UBXN11: variants seen among roughly 807,000 people sequenced by gnomAD.
UBXN11 encodes UBX domain protein 11, also known as UBX domain-containing protein 11.
UBXN11 carries 47 observed loss-of-function variants against 62.8 expected under a neutral mutation model. That is an observed-to-expected ratio of 0.75 (90% CI 0.59 to 0.95). The LOEUF is 0.95. Among genes scored for constraint, UBXN11 ranks in the 40% least tolerant of loss-of-function variants. The probability of loss-of-function intolerance (pLI) is 0.00; values close to 1 mark genes in which losing one functional copy is unlikely to be tolerated. For missense variants in UBXN11, 638 were observed against 661.7 expected, an observed-to-expected ratio of 0.96 and a Z score of 0.39; for synonymous variants, 294 against 267.0, an observed-to-expected ratio of 1.10 and a Z score of -0.99.
In UBXN11 at chr1:26,282,503, T is replaced by C. The variant is rs544213824; in HGVS notation, c.1359A>G (p.Thr453=). Residue 453 remains threonine, a synonymous_variant, in exon 15 of 15, where the codon ACA becomes ACG. Transcript: ENST00000374222. The part of the protein sequence containing the change: ...TFPPTLYQDD[T]LTLQAAGLVP... Reference sequence around the variant, plus strand: ...CAAGGCCTGCAGCCTGCAGCGTGAGTGTATCGTCCTGGTAGAGGGTGGGCG... The same window carrying C: ...CAAGGCCTGCAGCCTGCAGCGTGAGCGTATCGTCCTGGTAGAGGGTGGGCG... 10 of 1,600,638 alleles carry C rather than the reference T, an allele frequency of 6.2e-6. No individual in the cohort carries two copies. The East Asian group carries it at 2.2e-4, about 36-fold the overall frequency.
chr1:26,301,088 GGCCCTCGCCAGT>G, intron 3 of UBXN11, 64 bp from the exon 4 acceptor site: 2 of 1,611,690 alleles, frequency 1.2e-6, no homozygotes, highest in Admixed American at 3.4e-5. Context: ...TCAGGCCCTG[GGCCCTCGCCAGT>G]GTGACGCGGC....
At chr1:26,283,009 A>G in intron 12 of UBXN11, 72 bp from the exon 13 acceptor site, 1 of 1,593,672 alleles carries the variant, frequency 6.3e-7, no homozygotes, top group South Asian at 1.1e-5. Context: ...CCTTAGAGGG[A>G]CACTTCCTTG....
At chr1:26,294,176 G>T in intron 8 of UBXN11, 29 bp downstream of exon 8, 2 of 1,611,824 alleles carry the variant, frequency 1.2e-6, no homozygotes, top group Non-Finnish European at 1.7e-6. Context: ...TCCTTTTGAA[G>T]AGGGCCTGGG....
At chr1:26,314,691 A>T (rs973684504) in intron 1 of UBXN11, among the ~76,000 whole-genome samples, 4 of 152,180 alleles carry the variant, frequency 2.6e-5, no homozygotes, top group African/African-American at 9.7e-5. Flanking sequence ...TGCTTCGCTG[A>T]GTAAGAGAAG....
chr1:26,317,671 T>C (rs1048270747), intron 1 of UBXN11, among the ~76,000 whole-genome samples: 1 of 152,192 alleles, frequency 6.6e-6, no homozygotes, highest in Admixed American at 6.5e-5. Flanking sequence ...GTCTCAGAGC[T>C]GGTCAGTGAT....
intron 7 of UBXN11, among the ~76,000 whole-genome samples, chr1:26,296,682 AG>A (rs1469729447): frequency 6.6e-6 from 1 of 152,130 alleles, no homozygotes; most frequent in East Asian, 1.9e-4. Flanking sequence ...TCTGCTAAGC[AG>A]GGGAGAGGCA....
At chr1:26,296,814 A>T in intron 7 of UBXN11, 105 bp downstream of exon 7, 1 of 1,205,578 alleles carries the variant, frequency 8.3e-7, no homozygotes, top group South Asian at 1.5e-5. Flanking sequence ...GGATGTGACG[A>T]GGAGAGGCCC....
At chr1:26,297,043 G>A (rs1296495712) in intron 6 of UBXN11, 48 bp from the exon 7 acceptor site, 1 of 1,560,274 alleles carries the variant, frequency 6.4e-7, no homozygotes, top group Non-Finnish European at 8.7e-7. Context: ...GCAAGACACT[G>A]CCAGGTCACC....
intron 8 of UBXN11, 124 bp from the exon 9 acceptor site, chr1:26,286,161 G>A (rs2073129313): frequency 1.2e-6 from 1 of 807,890 alleles, no homozygotes; most frequent in Non-Finnish European, 1.9e-6. Context: ...GACTGCCTGG[G>A]GAAAAGGACA....
chr1:26,301,094 CGCCAG>C, intron 3 of UBXN11, 70 bp from the exon 4 acceptor site: 7 of 1,610,556 alleles, frequency 4.3e-6, no homozygotes, highest in Non-Finnish European at 5.9e-6. Context: ...CCTGGGCCCT[CGCCAG>C]TGTGACGCGG....
At chr1:26,304,717 C>T (rs918814997) in intron 1 of UBXN11, among the ~76,000 whole-genome samples, 1 of 152,108 alleles carries the variant, frequency 6.6e-6, no homozygotes, top group Admixed American at 6.5e-5. Flanking sequence ...TGCGCCATTG[C>T]ACTCCAGCCT....
intron 1 of UBXN11, among the ~76,000 whole-genome samples, chr1:26,317,003 C>T (rs142528092): frequency 2.1e-3 from 323 of 151,292 alleles, no homozygotes; most frequent in African/African-American, 6.9e-3. Flanking sequence ...CCGAGGCAGG[C>T]GGATCACTTG....
chr1:26,292,923 C>A (rs756316357), intron 8 of UBXN11, among the ~76,000 whole-genome samples: 4 of 152,018 alleles, frequency 2.6e-5, no homozygotes, highest in Non-Finnish European at 4.4e-5. Context: ...GCAGTGAGGG[C>A]GTTAGACCCT....
chr1:26,301,868 A>C, intron 2 of UBXN11, 146 bp from the exon 3 acceptor site: 3 of 1,084,408 alleles, frequency 2.8e-6, no homozygotes, highest in Non-Finnish European at 4.0e-6. Context: ...CCAGCCCCAA[A>C]TCCCAGCCCC....
In UBXN11 at chr1:26,282,876, G is replaced by C; in HGVS notation, c.1139C>G (p.Ala380Gly). ...EIVVETPTLA[A>G]ERERSQESPN... ...ATCCCGCCCTCACCTCTCTCGCTCA[G>C]CGGCCAAGGTGGGCGTCTCCACCAC... The change falls in exon 13 of 15, where the codon GCT (alanine) becomes GGT (glycine). Residue 380 changes from alanine to glycine, a missense_variant. Physicochemically the swap from Ala to Gly is moderately conservative, Grantham distance 60. Transcript: ENST00000374222. 6.2e-7 allele frequency: 1 copy of C among 1,614,188 alleles called. No homozygotes were observed. The highest frequency in any genetic ancestry group is 8.5e-7 in the Non-Finnish European group (1 of 1,180,034).
chr1:26,305,918 GC>G (rs1473955230), intron 1 of UBXN11, among the ~76,000 whole-genome samples: 2 of 152,168 alleles, frequency 1.3e-5, no homozygotes, highest in Non-Finnish European at 2.9e-5. Flanking sequence ...CATTCTGGGG[GC>G]TGTCACATGG....
intron 1 of UBXN11, among the ~76,000 whole-genome samples, chr1:26,311,700 C>A (rs58240395): frequency 0.16 from 24,620 of 152,150 alleles, 2,410 homozygotes; most frequent in African/African-American, 0.26. Flanking sequence ...CTCGGCCTCC[C>A]AGAGTGTTGG....
intron 8 of UBXN11, among the ~76,000 whole-genome samples, chr1:26,291,248 T>A (rs2073257622): frequency 6.6e-6 from 1 of 152,064 alleles, no homozygotes; most frequent in South Asian, 2.1e-4. Flanking sequence ...CTGAGGCCCC[T>A]GGGCGGAGCA....
At position 26,285,923 on chromosome 1, in the gene UBXN11, G is replaced by C. The variant is rs759472941; in HGVS notation, c.674C>G (p.Ala225Gly). The C allele has an allele frequency of 3.1e-6, 5 of 1,613,662 alleles. No individual in the cohort carries two copies. In the South Asian group the frequency reaches 5.5e-5, roughly 18 times the overall value. Residue 225 changes from alanine (A) to glycine (G), a missense_variant, in exon 9 of 15, where the codon GCA becomes GGA. Physicochemically the swap from Ala to Gly is moderately conservative, Grantham distance 60. Coordinates refer to ENST00000374222, the MANE Select transcript of UBXN11 (RefSeq NM_001389556.1). Reference sequence around the variant, plus strand: ...GATGGGCTCGAGGGTACGCAGCCGTGCCCCGCCGGGCACTGGTGTCACTTG... The same window carrying C: ...GATGGGCTCGAGGGTACGCAGCCGTCCCCCGCCGGGCACTGGTGTCACTTG... Reference protein sequence around the residue: ...DTQVTPVPGGARLRTLEPIPL... With the variant: ...DTQVTPVPGGGRLRTLEPIPL...
Sources: gnomAD v4.1 joint callset for allele counts (sites outside exome capture counted in the v4.1 genomes callset) on GRCh38, gnomAD v4.1.1 for gene constraint, MANE v1.5 for transcripts, NCBI Gene and HGNC (gene_info 2026-07-23, HGNC 2026-07-21) for gene names.